Variants in FSTL4 observed in about 807,000 individuals in gnomAD.
FSTL4 encodes the protein follistatin-related protein 4.
FSTL4 carries 28 observed loss-of-function variants against 78.2 expected under a neutral mutation model. The ratio of observed to expected loss-of-function variants is 0.36; its 90% CI spans 0.27 to 0.49. The LOEUF (loss-of-function observed/expected upper bound fraction) is 0.49, where lower values mean the gene tolerates loss of function less well. Ranked by LOEUF, FSTL4 falls within the 20% of genes least tolerant of loss-of-function variation. The pLI is 0.98. For synonymous variants in FSTL4, 422 were observed against 440.5 expected, an observed-to-expected ratio of 0.96 and a Z score of 0.53; for missense variants, 922 against 1,084.9, an observed-to-expected ratio of 0.85 and a Z score of 2.11.
At chr5:133,497,499 C>T (rs1413573262) in intron 3 of FSTL4, among the ~76,000 whole-genome samples, 1 of 152,226 alleles carries the variant, frequency 6.6e-6, no homozygotes, top group Non-Finnish European at 1.5e-5. Context: ...TCTGCATCCC[C>T]TTCAGCCCAA....
At chr5:133,567,266 G>A in intron 2 of FSTL4, 47 bp from the exon 3 acceptor site, 1 of 1,365,966 alleles carries the variant, frequency 7.3e-7, no homozygotes, top group South Asian at 1.2e-5. Flanking sequence ...TAATTCATAT[G>A]TACAGATACT....
the FSTL4 span, among the ~76,000 whole-genome samples, chr5:133,671,098 A>T: frequency 4.4e-4 from 67 of 152,272 alleles, 1 homozygote; most frequent in African/African-American, 1.6e-3. Flanking sequence ...AAATAAGCCA[A>T]TACTAGCCTG....
the FSTL4 span, among the ~76,000 whole-genome samples, chr5:133,638,410 G>A: frequency 2.0e-5 from 3 of 152,086 alleles, no homozygotes; most frequent in Non-Finnish European, 2.9e-5. Flanking sequence ...TCAAGTCCTC[G>A]CAGGCCCCAT....
At chr5:133,709,179 T>C in the FSTL4 span, among the ~76,000 whole-genome samples, 1 of 152,104 alleles carries the variant, frequency 6.6e-6, no homozygotes, top group Non-Finnish European at 1.5e-5. Flanking sequence ...CACCCCCGGG[T>C]CATATCCATT....
chr5:133,761,026 C>T, the FSTL4 span, among the ~76,000 whole-genome samples: 248 of 152,310 alleles, frequency 1.6e-3, no homozygotes, highest in African/African-American at 5.7e-3. Flanking sequence ...AGAGCTAAGC[C>T]GTAATTGATC....
chr5:133,342,446 A>G (rs1223173722), intron 4 of FSTL4, among the ~76,000 whole-genome samples: 1 of 152,238 alleles, frequency 6.6e-6, no homozygotes, highest in East Asian at 1.9e-4. Flanking sequence ...AGCACCATTC[A>G]TCTTCTACTT....
At chr5:133,395,688 C>A (rs1756017555) in intron 4 of FSTL4, among the ~76,000 whole-genome samples, 1 of 152,022 alleles carries the variant, frequency 6.6e-6, no homozygotes. Flanking sequence ...TAATCACTTG[C>A]TCTTCCCGGA....
chr5:133,479,905 T>C (rs1757995241), intron 3 of FSTL4, among the ~76,000 whole-genome samples: 1 of 152,118 alleles, frequency 6.6e-6, no homozygotes, highest in Non-Finnish European at 1.5e-5. Context: ...GTTTTTGAGT[T>C]TTTTTCCTGT....
chr5:133,742,862 A>G, the FSTL4 span, among the ~76,000 whole-genome samples: 1 of 152,086 alleles, frequency 6.6e-6, no homozygotes, highest in Non-Finnish European at 1.5e-5. Context: ...TGCCTGAATG[A>G]CAGGAGCGCG....
intron 4 of FSTL4, among the ~76,000 whole-genome samples, chr5:133,373,612 G>C (rs1440810380): frequency 2.0e-5 from 3 of 152,178 alleles, no homozygotes; most frequent in African/African-American, 7.2e-5. Flanking sequence ...CACCAGGTTG[G>C]GTGTGTGGGA....
chr5:133,621,275 C>T, the FSTL4 span, among the ~76,000 whole-genome samples: 4 of 152,148 alleles, frequency 2.6e-5, no homozygotes, highest in Non-Finnish European at 5.9e-5. Flanking sequence ...TGGCATGTGC[C>T]TGTAGTCCCA....
At chr5:133,315,585 G>A (rs536678962) in intron 5 of FSTL4, among the ~76,000 whole-genome samples, 3 of 152,310 alleles carry the variant, frequency 2.0e-5, no homozygotes, top group African/African-American at 7.2e-5. Flanking sequence ...CATCCACTGG[G>A]TGGACAGTCT....
chr5:133,495,893 T>C (rs1758359086), intron 3 of FSTL4, among the ~76,000 whole-genome samples: 1 of 152,154 alleles, frequency 6.6e-6, no homozygotes, highest in Admixed American at 6.5e-5. Flanking sequence ...CACTAGGCTG[T>C]GAGGACATCA....
chr5:133,350,580 A>AT lies in FSTL4; in HGVS notation c.410-33929dup, dbSNP rs368220641. ...GCTCTTTGGTATGAGTGAAGATTAAATTTTCTGTAACAGGTACGATCCACA... is the reference window on the plus strand; with the variant it reads ...GCTCTTTGGTATGAGTGAAGATTAAATTTTTCTGTAACAGGTACGATCCACA... On this transcript the variant is annotated intron_variant, in intron 4 of 15. Coordinates refer to ENST00000265342, the MANE Select transcript of FSTL4 (RefSeq NM_015082.2). Among the ~76,000 whole-genome samples the AT allele has an allele frequency of 4.7e-3, 716 of 152,310 alleles. 3 individuals are homozygous for AT. The highest frequency in any genetic ancestry group is 0.017 in the African/African-American group (687 of 41,574).
At chr5:133,700,472 A>T in the FSTL4 span, among the ~76,000 whole-genome samples, 2 of 152,110 alleles carry the variant, frequency 1.3e-5, no homozygotes, top group African/African-American at 4.8e-5. Context: ...CCACCACACC[A>T]AACCACCACA....
intron 3 of FSTL4, among the ~76,000 whole-genome samples, chr5:133,458,536 G>C (rs1006410220): frequency 6.6e-6 from 1 of 152,242 alleles, no homozygotes; most frequent in Non-Finnish European, 1.5e-5. Flanking sequence ...CATGAGGAGA[G>C]AATAGGCTTC....
At chr5:133,350,357 T>C (rs1411557567) in intron 4 of FSTL4, among the ~76,000 whole-genome samples, 2 of 152,232 alleles carry the variant, frequency 1.3e-5, no homozygotes, top group Non-Finnish European at 1.5e-5. Context: ...CTGTGCCCGC[T>C]GGGGCCCCAG....
At chr5:133,604,175 T>C (rs1208106133) in intron 1 of FSTL4, among the ~76,000 whole-genome samples, 182 bp from the exon 2 acceptor site, 1 of 152,214 alleles carries the variant, frequency 6.6e-6, no homozygotes, top group Non-Finnish European at 1.5e-5. Flanking sequence ...ATTTCTAAAA[T>C]GGCAATAATA....
chr5:133,375,617 G>A (rs1237276919), intron 4 of FSTL4, among the ~76,000 whole-genome samples: 1 of 152,066 alleles, frequency 6.6e-6, no homozygotes, highest in African/African-American at 2.4e-5. Context: ...AAAAAGCAGT[G>A]GAGGAGCTTT....
Sources: gnomAD v4.1 joint callset for allele counts (sites outside exome capture counted in the v4.1 genomes callset) on GRCh38, gnomAD v4.1.1 for gene constraint, MANE v1.5 for transcripts, NCBI Gene and HGNC (gene_info 2026-07-23, HGNC 2026-07-21) for gene names.